Variants in HIVEP3 observed in about 807,000 individuals in gnomAD.
HIVEP3 encodes HIVEP zinc finger 3.
A neutral mutation model predicts 152.8 loss-of-function variants in HIVEP3; 49 were observed. The ratio of observed to expected loss-of-function variants is 0.32; its 90% CI spans 0.26 to 0.41. The LOEUF is 0.41. Among genes scored for constraint, HIVEP3 ranks in the 10% least tolerant of loss-of-function variants. HIVEP3 has a pLI of 1.00. For missense variants in HIVEP3, 2,790 were observed against 3,103.3 expected, an observed-to-expected ratio of 0.90 and a Z score of 2.40; for synonymous variants, 1,269 against 1,289.0, an observed-to-expected ratio of 0.98 and a Z score of 0.33.
intron 1 of HIVEP3, among the ~76,000 whole-genome samples, chr1:41,978,327 C>A (rs759429419): frequency 3.9e-5 from 6 of 152,086 alleles, no homozygotes; most frequent in Admixed American, 6.5e-5. Flanking sequence ...AGCCCTAAGC[C>A]CCGATATGAC....
At chr1:41,515,089 G>C (rs1286439255) in intron 7 of HIVEP3, among the ~76,000 whole-genome samples, 2 of 152,194 alleles carry the variant, frequency 1.3e-5, no homozygotes, top group Non-Finnish European at 2.9e-5. Flanking sequence ...GCAGAGTGAG[G>C]TTGCTGACAG....
chr1:41,616,075 G>A (rs1644964369), intron 3 of HIVEP3, among the ~76,000 whole-genome samples: 1 of 152,064 alleles, frequency 6.6e-6, no homozygotes, highest in African/African-American at 2.4e-5. Flanking sequence ...CAGGTGGGGA[G>A]CTTCTGTCAC....
intron 1 of HIVEP3, among the ~76,000 whole-genome samples, chr1:41,750,872 G>A (rs1044377835): frequency 3.9e-5 from 6 of 151,940 alleles, no homozygotes; most frequent in Admixed American, 2.6e-4. Context: ...GCACCACCAC[G>A]CCTGGCTAAT....
Position 41,575,505 on chromosome 1 carries a change from C to T in HIVEP3, c.5207+39G>A, listed in dbSNP as rs774402178. ...ACACCAATGGGCACCAGCTCTTATT[C>T]CACGGAAGCAGACGATGGAAACCAA... On this transcript the variant is annotated intron_variant, in intron 5 of 8. Transcript: ENST00000372583. 6.2e-6 allele frequency: 10 copies of T among 1,605,112 alleles called. No homozygotes were observed. In the Admixed American group the frequency reaches 1.3e-4, roughly 22 times the overall value.
intron 1 of HIVEP3, among the ~76,000 whole-genome samples, chr1:42,035,504 G>A (rs1436974598): frequency 1.3e-5 from 2 of 152,234 alleles, no homozygotes; most frequent in African/African-American, 4.8e-5. Flanking sequence ...GGGGACAGGT[G>A]TGGGGCCCGG....
chr1:41,764,374 T>C (rs4660574), intron 1 of HIVEP3, among the ~76,000 whole-genome samples: 71,637 of 152,064 alleles, frequency 0.47, 19,761 homozygotes, highest in Non-Finnish European at 0.63. Flanking sequence ...AGAAACATCG[T>C]AGGAGCGGAT....
intron 2 of HIVEP3, among the ~76,000 whole-genome samples, chr1:41,661,127 G>C (rs1645705142): frequency 6.6e-6 from 1 of 152,016 alleles, no homozygotes; most frequent in Non-Finnish European, 1.5e-5. Context: ...CATACCTCTG[G>C]GGACACTCAT....
intron 1 of HIVEP3, among the ~76,000 whole-genome samples, chr1:41,960,576 A>G (rs1242154401): frequency 6.6e-6 from 1 of 152,172 alleles, no homozygotes; most frequent in Non-Finnish European, 1.5e-5. Flanking sequence ...CTGAAGCCAG[A>G]CTTCTTCTAA....
intron 2 of HIVEP3, among the ~76,000 whole-genome samples, chr1:41,645,838 C>T (rs894304861): frequency 6.6e-6 from 1 of 152,200 alleles, no homozygotes; most frequent in African/African-American, 2.4e-5. Flanking sequence ...GTTGTGGCCC[C>T]AGCTCTACCA....
In HIVEP3 at chr1:41,513,330, G is replaced by C. The variant is rs367669398; in HGVS notation, c.5891C>G (p.Ser1964Cys). 1.3e-5 allele frequency: 21 copies of C among 1,613,008 alleles called. No homozygotes were observed. In the African/African-American group the frequency reaches 2.7e-4, roughly 21 times the overall value. The part of the protein sequence containing the change: ...TGSALSYKPV[S>C]PRRPWSPSKE... ...GCTTGGGGACCACGGTCTTCTTGGG[G>C]ACACAGGCTTGTAGCTCAAGGCTGA... Residue 1964 changes from serine to cysteine, a missense_variant, in exon 8 of 9, where the codon TCC (serine) becomes TGC (cysteine). By Grantham distance (112) the Ser-to-Cys change is moderately radical. This residue lies in a region of HIVEP3 where 816 missense variants were observed against 806.5 expected (regional missense o/e 1.01). Transcript: ENST00000372583.
intron 5 of HIVEP3, among the ~76,000 whole-genome samples, chr1:41,544,992 A>G: frequency 1.3e-5 from 1 of 77,398 alleles, no homozygotes; most frequent in Non-Finnish European, 3.0e-5. Flanking sequence ...CGCCACCACC[A>G]TCGCTACCAT....
At chr1:41,783,418 T>C (rs1422799988) in intron 1 of HIVEP3, among the ~76,000 whole-genome samples, 1 of 152,198 alleles carries the variant, frequency 6.6e-6, no homozygotes, top group East Asian at 1.9e-4. Context: ...TGGCTTTTAT[T>C]TGTCAGAATG....
chr1:41,687,371 A>G (rs1444855115), intron 2 of HIVEP3, among the ~76,000 whole-genome samples: 1 of 152,218 alleles, frequency 6.6e-6, no homozygotes, highest in Non-Finnish European at 1.5e-5. Context: ...TCAAAGCCTC[A>G]TTTAATATCC....
rs551288910 is a variant in HIVEP3, at chr1:41,851,379, T to G, written c.-801+67034A>C. ...GTGTAGTGGCATGATGTTGGCTCAC[T>G]GCAACATCTGCCTCCTGGATTCAAG... On this transcript the variant is annotated intron_variant, in intron 1 of 8. Transcript: ENST00000372583. 2.7e-3 allele frequency among the ~76,000 whole-genome samples: 350 copies of G among 131,912 alleles called. 1 individual carries two copies. The highest frequency in any genetic ancestry group is 9.7e-3 in the African/African-American group (339 of 34,776). 86.5% of individuals were successfully genotyped at this position (131,912 alleles called of 152,430 possible). A position where few individuals can be genotyped will look rare whatever the true frequency, so the allele number is the denominator to read the frequency against.
At chr1:42,004,515 G>T (rs72672717) in intron 1 of HIVEP3, among the ~76,000 whole-genome samples, 2,411 of 152,196 alleles carry the variant, frequency 0.016, 51 homozygotes, top group African/African-American at 0.051. Context: ...TGCATCATGG[G>T]GCCAGAATGG....
chr1:42,027,281 C>T (rs1286340282), intron 1 of HIVEP3, among the ~76,000 whole-genome samples: 1 of 152,156 alleles, frequency 6.6e-6, no homozygotes, highest in African/African-American at 2.4e-5. Context: ...TTACCATCTC[C>T]AATTCTCTTT....
At chr1:41,974,455 T>C (rs1645248185) in intron 1 of HIVEP3, among the ~76,000 whole-genome samples, 1 of 137,956 alleles carries the variant, frequency 7.2e-6, no homozygotes, top group Non-Finnish European at 1.6e-5. Flanking sequence ...CCCTCTGGCT[T>C]CACATACATC....
intron 1 of HIVEP3, among the ~76,000 whole-genome samples, chr1:41,772,667 T>C (rs1648450023): frequency 6.6e-6 from 1 of 152,166 alleles, no homozygotes; most frequent in South Asian, 2.1e-4. Context: ...CCCAGCACTT[T>C]GGGAGGCCGA....
chr1:41,662,776 G>A lies in HIVEP3; in HGVS notation c.-720-33829C>T, dbSNP rs925954961. Among the ~76,000 whole-genome samples, 3 of 151,336 alleles carry A rather than the reference G, an allele frequency of 2.0e-5. No homozygotes were observed. Among genetic ancestry groups the A allele is most frequent in the Admixed American group, 1.3e-4 (2 of 15,264 alleles). On this transcript the variant is annotated intron_variant, in intron 2 of 8. Coordinates refer to ENST00000372583, the MANE Select transcript of HIVEP3 (RefSeq NM_024503.5). This position sits in a 1 kb window ranked among gnomAD's most constrained non-coding sequence, Gnocchi z 7.2. ...CCCTCTAGGGAGGGCAGACAGGGAA[G>A]CCCCTGTCGCCGCCGCCGGGGCCCT...
Sources: gnomAD v4.1 joint callset for allele counts (sites outside exome capture counted in the v4.1 genomes callset) on GRCh38, gnomAD v4.1.1 for gene constraint, gnomAD v4.1.1 regional missense constraint, Gnocchi (gnomAD v3.1) non-coding constraint, MANE v1.5 for transcripts, NCBI Gene and HGNC (gene_info 2026-07-23, HGNC 2026-07-21) for gene names.